Variants in ZNF362 observed in about 807,000 individuals in gnomAD.
ZNF362 encodes the protein zinc finger protein 362, also known as rotund homolog.
In ZNF362, 11 loss-of-function variants were observed where a neutral mutation model predicts 42.9. That is an observed-to-expected ratio of 0.26 (90% CI 0.16 to 0.42). The LOEUF is 0.42. Among genes scored for constraint, ZNF362 ranks in the 20% least tolerant of loss-of-function variants. ZNF362 has a pLI of 1.00. For synonymous variants in ZNF362, 255 were observed against 257.3 expected, an observed-to-expected ratio of 0.99 and a Z score of 0.09; for missense variants, 362 against 576.2, an observed-to-expected ratio of 0.63 and a Z score of 3.81.
At chr1:33,204,375 C>A in the ZNF362 span, among the ~76,000 whole-genome samples, 2 of 152,092 alleles carry the variant, frequency 1.3e-5, no homozygotes, top group African/African-American at 4.8e-5. Flanking sequence ...GATTACCATA[C>A]CTTTATAATA....
chr1:33,161,756 T>C, the ZNF362 span, among the ~76,000 whole-genome samples: 1 of 152,088 alleles, frequency 6.6e-6, no homozygotes, highest in East Asian at 1.9e-4. The surrounding 1 kb of genome is among the most constrained non-coding windows in gnomAD (Gnocchi z 4.3). Context: ...GCGCCCAGAC[T>C]CCGCAGCTAC....
At chr1:33,272,652 C>T (rs924324169) in intron 2 of ZNF362, among the ~76,000 whole-genome samples, 7 of 152,162 alleles carry the variant, frequency 4.6e-5, no homozygotes, top group African/African-American at 1.7e-4. Flanking sequence ...ACTCAACCCC[C>T]GGGTGGCTGT....
chr1:33,248,912 T>C, the ZNF362 span, among the ~76,000 whole-genome samples: 1 of 152,224 alleles, frequency 6.6e-6, no homozygotes. Flanking sequence ...CACTTCAAGA[T>C]AATGCTCAAA....
chr1:33,154,526 G>C, the ZNF362 span, among the ~76,000 whole-genome samples: 2 of 151,990 alleles, frequency 1.3e-5, no homozygotes, highest in Non-Finnish European at 2.9e-5. Flanking sequence ...GAGGCTGGGC[G>C]CGGTGGCTCA....
chr1:33,187,401 T>A, the ZNF362 span, among the ~76,000 whole-genome samples: 1 of 152,330 alleles, frequency 6.6e-6, no homozygotes, highest in South Asian at 2.1e-4. Flanking sequence ...AAGTTTCATG[T>A]TCTGTCACTG....
chr1:33,260,972 TCTCA>T (rs1205798699), intron 1 of ZNF362, among the ~76,000 whole-genome samples: 1 of 152,190 alleles, frequency 6.6e-6, no homozygotes. Context: ...CAAAGTGGAC[TCTCA>T]CTGCCTTATT....
At chr1:33,288,568 A>G (rs1381671146) in intron 6 of ZNF362, among the ~76,000 whole-genome samples, 1 of 151,652 alleles carries the variant, frequency 6.6e-6, no homozygotes, top group Admixed American at 6.6e-5. Context: ...GTCTTGAACC[A>G]TGGTGGTCTA....
chr1:33,158,255 G>A, the ZNF362 span: 1 of 1,613,598 alleles, frequency 6.2e-7, no homozygotes, highest in Non-Finnish European at 8.5e-7. Flanking sequence ...TGCCTTACCT[G>A]GGTGGATGTC....
chr1:33,263,627 T>C (rs1645844629), intron 1 of ZNF362, among the ~76,000 whole-genome samples: 1 of 152,148 alleles, frequency 6.6e-6, no homozygotes, highest in African/African-American at 2.4e-5. Flanking sequence ...GTCAGGCTGG[T>C]CTCAAACTCC....
chr1:33,251,975 A>C (rs544206942), upstream of ZNF362, among the ~76,000 whole-genome samples: 17 of 152,180 alleles, frequency 1.1e-4, no homozygotes, highest in Non-Finnish European at 2.4e-4. Flanking sequence ...GGACCATGTG[A>C]CTAGTCTTGG....
chr1:33,128,640 C>G, the ZNF362 span, among the ~76,000 whole-genome samples: 1 of 152,156 alleles, frequency 6.6e-6, no homozygotes, highest in Non-Finnish European at 1.5e-5. Flanking sequence ...TTTAAAGCAT[C>G]AGATGTATTT....
chr1:33,179,934 T>G, the ZNF362 span, among the ~76,000 whole-genome samples: 6 of 152,224 alleles, frequency 3.9e-5, no homozygotes, highest in African/African-American at 1.4e-4. Context: ...AAAAATATAC[T>G]ATATTTCCCA....
the ZNF362 span, chr1:33,159,945 CTG>C: frequency 6.2e-7 from 1 of 1,600,990 alleles, no homozygotes; most frequent in Non-Finnish European, 8.5e-7. The surrounding 1 kb of genome is among the most constrained non-coding windows in gnomAD (Gnocchi z 4.2). Flanking sequence ...TGGTGGAAGA[CTG>C]TGGGGGACAG....
intron 8 of ZNF362, among the ~76,000 whole-genome samples, chr1:33,297,755 C>T (rs1241416346): frequency 2.6e-5 from 4 of 152,140 alleles, no homozygotes; most frequent in Non-Finnish European, 4.4e-5. Context: ...CGCAGGTGAT[C>T]CGCCCGCCTC....
chr1:33,144,000 A>ATT, the ZNF362 span, among the ~76,000 whole-genome samples: 70 of 152,338 alleles, frequency 4.6e-4, no homozygotes, highest in African/African-American at 1.5e-3. Flanking sequence ...TTAAAAGATA[A>ATT]ATAAACCTAG....
chr1:33,223,141 C>T, the ZNF362 span, among the ~76,000 whole-genome samples: 1 of 152,096 alleles, frequency 6.6e-6, no homozygotes, highest in Non-Finnish European at 1.5e-5. Context: ...GTCCCAGCTA[C>T]TCAGGAGGCT....
At chr1:33,251,904 T>C (rs983758799), upstream of ZNF362, among the ~76,000 whole-genome samples, 3 of 152,222 alleles carry the variant, frequency 2.0e-5, no homozygotes, top group Non-Finnish European at 4.4e-5. Flanking sequence ...AGCTCACCCA[T>C]GTCCAGTCTA....
intron 2 of ZNF362, among the ~76,000 whole-genome samples, chr1:33,271,099 T>C (rs76946546): frequency 3.2e-3 from 488 of 152,270 alleles, no homozygotes; most frequent in Non-Finnish European, 5.4e-3. Context: ...CCCCTCTACA[T>C]TGGGCACTCA....
chr1:33,278,729 C>G (rs185634932), intron 4 of ZNF362, among the ~76,000 whole-genome samples: 9 of 152,190 alleles, frequency 5.9e-5, no homozygotes, highest in Admixed American at 3.9e-4. Context: ...AATAGATGGC[C>G]TCGTATGTCT....
Sources: allele counts gnomAD v4.1 joint callset (sites outside exome capture counted in the v4.1 genomes callset), GRCh38; gene constraint gnomAD v4.1.1; non-coding constraint Gnocchi (gnomAD v3.1); transcripts MANE v1.5; gene names NCBI Gene and HGNC (gene_info 2026-07-23, HGNC 2026-07-21).